ADGRF1: variants seen among roughly 807,000 people sequenced by gnomAD.
ADGRF1 encodes the protein G protein-coupled receptor 110.
Under a neutral mutation model 87.2 loss-of-function variants are expected in ADGRF1, and 85 were observed. The ratio of observed to expected loss-of-function variants is 0.97; its 90% CI spans 0.82 to 1.17. ADGRF1 has a LOEUF of 1.17. Among genes scored for constraint, ADGRF1 ranks in the 50% most tolerant of loss-of-function variants. The pLI is 0.00. For missense variants in ADGRF1, 1,169 were observed against 1,077.2 expected, an observed-to-expected ratio of 1.09 and a Z score of -1.19; for synonymous variants, 430 against 408.8, an observed-to-expected ratio of 1.05 and a Z score of -0.63.
At chr6:47,003,169 C>A (rs1361002453) in intron 13 of ADGRF1, among the ~76,000 whole-genome samples, 1 of 151,890 alleles carries the variant, frequency 6.6e-6, no homozygotes, top group Non-Finnish European at 1.5e-5. Flanking sequence ...GTCAGACATG[C>A]TTCATTGTAG....
intron 9 of ADGRF1, chr6:47,012,481 C>T: frequency 2.0e-6 from 1 of 495,870 alleles, no homozygotes; most frequent in Non-Finnish European, 2.7e-6. Flanking sequence ...GAGGGAGGTG[C>T]CATTATTATT....
At chr6:47,005,493 G>C (rs932955589) in intron 13 of ADGRF1, among the ~76,000 whole-genome samples, 1 of 152,188 alleles carries the variant, frequency 6.6e-6, no homozygotes, top group African/African-American at 2.4e-5. Flanking sequence ...AAAGGGCCTT[G>C]CTAGTTCTAA....
chr6:47,028,849 G>T, intron 2 of ADGRF1, 144 bp downstream of exon 2: 1 of 687,618 alleles, frequency 1.5e-6, no homozygotes, highest in East Asian at 2.6e-5. Context: ...TGTTGGTAAT[G>T]TTGAAACGAG....
chr6:47,012,952 T>C (rs1199303863), intron 9 of ADGRF1: 1 of 606,794 alleles, frequency 1.6e-6, no homozygotes, highest in Non-Finnish European at 2.1e-6. Flanking sequence ...TTTGTATCCT[T>C]AGTAGAAACA....
intron 1 of ADGRF1, among the ~76,000 whole-genome samples, chr6:47,037,201 A>G (rs780762964): frequency 1.2e-4 from 18 of 152,108 alleles, no homozygotes; most frequent in Non-Finnish European, 1.9e-4. Context: ...TATTGTTTTA[A>G]TTTTCCTGTG....
At chr6:47,037,410 TA>T (rs1278063418) in intron 1 of ADGRF1, among the ~76,000 whole-genome samples, 3 of 152,274 alleles carry the variant, frequency 2.0e-5, no homozygotes, top group Non-Finnish European at 4.4e-5. Context: ...AGTTCATCTT[TA>T]AAACTTTTGC....
intron 1 of ADGRF1, among the ~76,000 whole-genome samples, chr6:47,030,066 GGCT>G (rs1291517753): frequency 2.6e-5 from 4 of 152,178 alleles, no homozygotes; most frequent in African/African-American, 9.7e-5. Flanking sequence ...CACAGAGTAG[GGCT>G]CTCCATCCAG....
At chr6:47,041,497 A>G (rs1180732205) in intron 1 of ADGRF1, among the ~76,000 whole-genome samples, 1 of 152,174 alleles carries the variant, frequency 6.6e-6, no homozygotes, top group African/African-American at 2.4e-5. Flanking sequence ...GGTACATTAC[A>G]TAGGCTATCA....
At chr6:47,034,664 A>G (rs1242171922) in intron 1 of ADGRF1, among the ~76,000 whole-genome samples, 1 of 152,212 alleles carries the variant, frequency 6.6e-6, no homozygotes, top group East Asian at 1.9e-4. Flanking sequence ...CCACACCTCA[A>G]GAGAAACTCC....
chr6:46,998,579 C>G lies in ADGRF1; in HGVS notation c.*1643G>C, dbSNP rs868616478. On this transcript the variant is annotated 3_prime_UTR_variant, in exon 15 of 15. Transcript: ENST00000371253. ...TACTACCGGAGCTGTGGCCACAATT[C>G]TAGGCAAGAATCAGACTTCCATCAG... 1 of 152,254 alleles carries G rather than the reference C, an allele frequency of 6.6e-6. No homozygotes were observed. Among genetic ancestry groups the G allele is most frequent in the Non-Finnish European group, 1.5e-5 (1 of 68,066 alleles). 9.4% of individuals were successfully genotyped at this position (152,254 alleles called of 1,614,324 possible). A position where few individuals can be genotyped will look rare whatever the true frequency, so the allele number is the denominator to read the frequency against.
chr6:47,035,210 G>A (rs1780552719), intron 1 of ADGRF1, among the ~76,000 whole-genome samples: 1 of 152,158 alleles, frequency 6.6e-6, no homozygotes, highest in South Asian at 2.1e-4. Flanking sequence ...TGACCATGAA[G>A]CCCTTAAAAG....
Position 47,009,823 on chromosome 6 carries a change from C to A in ADGRF1, c.1612G>T (p.Asp538Tyr). The A allele has an allele frequency of 1.2e-6, 2 of 1,614,040 alleles. No homozygotes were observed. Among genetic ancestry groups the A allele is most frequent in the Non-Finnish European group, 1.7e-6 (2 of 1,179,988 alleles). ...TCGTTCCACTGCAAATGACTGAAAT[C>A]CCAAAACACACAATGAGGCTGGCTC... ...NLSQPHCVFW[D>Y]FSHLQWNDAG... Residue 538 changes from aspartate to tyrosine, a missense_variant, in exon 11 of 15, where the codon GAT (aspartate) becomes TAT (tyrosine). Transcript: ENST00000371253.
In ADGRF1 at chr6:46,999,079, C is replaced by T. The variant is rs115542131; in HGVS notation, c.*1143G>A. The T allele has an allele frequency of 6.6e-6, 1 of 152,206 alleles. No individual in the cohort carries two copies. Among genetic ancestry groups the T allele is most frequent in the African/African-American group, 2.4e-5 (1 of 41,418 alleles). 9.4% of individuals were successfully genotyped at this position (152,206 alleles called of 1,614,324 possible). A position where few individuals can be genotyped will look rare whatever the true frequency, so the allele number is the denominator to read the frequency against. On this transcript the variant is annotated 3_prime_UTR_variant, in exon 15 of 15. Coordinates refer to ENST00000371253, the MANE Select transcript of ADGRF1 (RefSeq NM_153840.4). ...TCAAAGGCTCGGGTTCCTCTGGGCACTATGGTCACGGCTGAAACTCAGGTA... is the reference window on the plus strand; with the variant it reads ...TCAAAGGCTCGGGTTCCTCTGGGCATTATGGTCACGGCTGAAACTCAGGTA...
intron 13 of ADGRF1, among the ~76,000 whole-genome samples, chr6:47,005,452 T>G (rs963061321): frequency 6.6e-6 from 1 of 152,150 alleles, no homozygotes; most frequent in Admixed American, 6.6e-5. Flanking sequence ...GGAAAAATGG[T>G]TTACAGAAGG....
intron 6 of ADGRF1, 32 bp from the exon 7 acceptor site, chr6:47,020,821 T>C (rs1780025832): frequency 1.9e-6 from 3 of 1,573,328 alleles, no homozygotes; most frequent in Non-Finnish European, 2.6e-6. Flanking sequence ...AATGTGTTAA[T>C]TGTTCTTCCC....
At chr6:47,019,239 T>C (rs988634779) in intron 7 of ADGRF1, 48 of 906,978 alleles carry the variant, frequency 5.3e-5, no homozygotes, top group Middle Eastern at 1.1e-3. Context: ...AAAAGAAAAA[T>C]ATGAATATTG....
intron 9 of ADGRF1, chr6:47,013,188 G>A: frequency 2.0e-6 from 2 of 985,474 alleles, no homozygotes; most frequent in Non-Finnish European, 2.4e-6. Context: ...AGTCCACTCA[G>A]GCGCCCAAGT....
intron 4 of ADGRF1, among the ~76,000 whole-genome samples, chr6:47,025,320 T>C (rs1253141840): frequency 6.6e-6 from 1 of 152,186 alleles, no homozygotes; most frequent in Non-Finnish European, 1.5e-5. Context: ...AGAATTTGCA[T>C]TTTTGCTAAG....
chr6:46,999,920 T>C lies in ADGRF1; in HGVS notation c.*302A>G. 1 of 222,604 alleles carries C rather than the reference T, an allele frequency of 4.5e-6. No individual in the cohort carries two copies. The highest frequency in any genetic ancestry group is 9.0e-6 in the Non-Finnish European group (1 of 111,646). The allele number at this position is 222,604 out of a possible 1,614,324, so 13.8% of individuals were successfully genotyped here. ...GGAAATGCCATGTGAATAATGCTGT[T>C]TTATGAAAATAGAAACCATATTTTA... On this transcript the variant is annotated 3_prime_UTR_variant, in exon 15 of 15. Transcript: ENST00000371253.
Sources: allele counts gnomAD v4.1 joint callset (sites outside exome capture counted in the v4.1 genomes callset), GRCh38; gene constraint gnomAD v4.1.1; transcripts MANE v1.5; gene names NCBI Gene and HGNC (gene_info 2026-07-23, HGNC 2026-07-21).